Variants in ARHGAP23 observed in about 807,000 individuals in gnomAD.
ARHGAP23 encodes Rho GTPase activating protein 23, also known as rho GTPase-activating protein 23.
ARHGAP23 carries 34 observed loss-of-function variants against 136.3 expected under a neutral mutation model. That is an observed-to-expected ratio of 0.25 (90% CI 0.19 to 0.33). The LOEUF is 0.33. Ranked by LOEUF, ARHGAP23 falls within the 10% of genes least tolerant of loss-of-function variation. The probability of loss-of-function intolerance (pLI) is 1.00; values close to 1 mark genes in which losing one functional copy is unlikely to be tolerated. For synonymous variants in ARHGAP23, 832 were observed against 920.5 expected (o/e 0.90, Z 1.74); for missense variants, 1,808 against 2,139.0 (o/e 0.85, Z 3.05).
rs978266493 is a variant in ARHGAP23 at position 38,512,357 on chromosome 17, A to G, written c.*1385A>G. 3.3e-5 allele frequency: 5 copies of G among 152,268 alleles called. No homozygotes were observed. Among genetic ancestry groups the G allele is most frequent in the Admixed American group, 3.3e-4 (5 of 15,284 alleles). The allele number at this position is 152,268 out of a possible 1,614,324, so 9.4% of individuals were successfully genotyped here. On this transcript the variant is annotated 3_prime_UTR_variant, in exon 24 of 24. Transcript: ENST00000622683. ...AAGTCCTGTCTTAAAAGTACAGTCT[A>G]TATCTTGGAAATAAATAGCTTTCCT...
At chr17:38,425,083 G>T (rs948836473), upstream of ARHGAP23, among the ~76,000 whole-genome samples, 1 of 152,124 alleles carries the variant, frequency 6.6e-6, no homozygotes, top group Non-Finnish European at 1.5e-5. Context: ...CCCGTTATGT[G>T]CCACGGTGGC....
At chr17:38,429,580 C>T (rs947785862) in intron 1 of ARHGAP23, among the ~76,000 whole-genome samples, 2 of 152,230 alleles carry the variant, frequency 1.3e-5, no homozygotes, top group Non-Finnish European at 2.9e-5. Context: ...GTGCTTGCAA[C>T]TCTTTTGGAG....
rs552284141 is a variant in ARHGAP23, at chr17:38,457,950, G to T, written c.64-152G>T. 1.3e-5 allele frequency: 11 copies of T among 818,102 alleles called. No homozygotes were observed. In the African/African-American group the frequency reaches 1.6e-4, roughly 12 times the overall value. 50.7% of individuals were successfully genotyped at this position (818,102 alleles called of 1,614,324 possible). On this transcript the variant is annotated intron_variant, in intron 1 of 23. Transcript: ENST00000622683. ...GGTGGGAGAGTAAGGAAGGGGTGAG[G>T]AGGAGGTCATGGGCAGGGAGGATGC...
Position 38,510,169 on chromosome 17 carries a change from GC to G in ARHGAP23, c.3678del (p.Gly1227AspfsTer56), listed in dbSNP as rs1231488717. ...GPLPGAVAPE[A>X]PGRLSPPAAP... ...GCTGCCTGGCGCCGTCGCCCCCGAGGCCCCCGGACGCCTCAGTCCCCCGGCG... is the reference window on the plus strand; with the variant it reads ...GCTGCCTGGCGCCGTCGCCCCCGAGGCCCCGGACGCCTCAGTCCCCCGGCG... On this transcript the variant is annotated frameshift_variant, in exon 24 of 24. Coordinates refer to ENST00000622683, the MANE Select transcript of ARHGAP23 (RefSeq NM_001199417.2). LOFTEE classifies it high-confidence loss of function. The surrounding 1 kb of genome is among the most constrained non-coding windows in gnomAD (Gnocchi z 4.6). 6.2e-6 allele frequency: 8 copies of G among 1,298,616 alleles called. No homozygotes were observed. Among genetic ancestry groups the G allele is most frequent in the South Asian group, 2.7e-5 (1 of 37,572 alleles). The allele number at this position is 1,298,616 out of a possible 1,614,324, so 80.4% of individuals were successfully genotyped here. A position where few individuals can be genotyped will look rare whatever the true frequency, so the allele number is the denominator to read the frequency against.
At chr17:38,503,919 C>T (rs2040574012) in intron 23 of ARHGAP23, among the ~76,000 whole-genome samples, 1 of 152,224 alleles carries the variant, frequency 6.6e-6, no homozygotes, top group Admixed American at 6.5e-5. Context: ...CTACTAGGTG[C>T]CAGCCAGTAT....
chr17:38,467,690 T>C (rs2039646356), intron 7 of ARHGAP23, among the ~76,000 whole-genome samples: 1 of 152,044 alleles, frequency 6.6e-6, no homozygotes, highest in African/African-American at 2.4e-5. Flanking sequence ...TTCCATCCAT[T>C]CATCCATCTA....
chr17:38,470,767 C>T (rs770452480), intron 10 of ARHGAP23, among the ~76,000 whole-genome samples: 3 of 151,924 alleles, frequency 2.0e-5, no homozygotes, highest in Non-Finnish European at 2.9e-5. Context: ...GAACTCCTGA[C>T]GTCAGGTGAT....
At chr17:38,501,679 T>C (rs1186289795) in intron 23 of ARHGAP23, among the ~76,000 whole-genome samples, 1 of 152,004 alleles carries the variant, frequency 6.6e-6, no homozygotes, top group Non-Finnish European at 1.5e-5. Flanking sequence ...GACCAATTCT[T>C]TGAAAGATTC....
At chr17:38,422,233 G>A (rs1272556912) in intron 1 of ARHGAP23, among the ~76,000 whole-genome samples, 4 of 152,136 alleles carry the variant, frequency 2.6e-5, no homozygotes, top group African/African-American at 7.2e-5. Context: ...TTTACATAGC[G>A]GGGCTAATAA....
chr17:38,468,147 A>T (rs2039657584), intron 7 of ARHGAP23, among the ~76,000 whole-genome samples: 1 of 152,226 alleles, frequency 6.6e-6, no homozygotes, highest in South Asian at 2.1e-4. Context: ...GGAATAGAAT[A>T]TGCAAAGACC....
At chr17:38,485,329 TC>T (rs2040136625) in intron 16 of ARHGAP23, among the ~76,000 whole-genome samples, 1 of 152,142 alleles carries the variant, frequency 6.6e-6, no homozygotes. Context: ...CAAAATTGCC[TC>T]CTTCTGTTAG....
rs973672021 is a variant in ARHGAP23 at position 38,477,193 on chromosome 17, G to A, written c.2119-386G>A. ...AAGAGTGCGGACGGCTTCTGAGCAG[G>A]TTTGCTGGGATGAGGGGCAGCCTGG... is the stretch of plus-strand genomic sequence containing the variant. On this transcript the variant is annotated intron_variant, in intron 11 of 23. Coordinates refer to ENST00000622683, the MANE Select transcript of ARHGAP23 (RefSeq NM_001199417.2). This position sits in a 1 kb window ranked among gnomAD's most constrained non-coding sequence, Gnocchi z 6.6. 6.6e-6 allele frequency among the ~76,000 whole-genome samples: 1 copy of A among 152,108 alleles called. No homozygotes were observed. Among genetic ancestry groups the A allele is most frequent in the African/African-American group, 2.4e-5 (1 of 41,422 alleles).
chr17:38,503,799 A>G (rs1421345294), intron 23 of ARHGAP23, among the ~76,000 whole-genome samples: 1 of 152,202 alleles, frequency 6.6e-6, no homozygotes, highest in Non-Finnish European at 1.5e-5. Context: ...TGCTTTTCAG[A>G]GAGTACGTCT....
intron 1 of ARHGAP23, among the ~76,000 whole-genome samples, chr17:38,444,352 T>C (rs552739170): frequency 6.6e-6 from 1 of 152,120 alleles, no homozygotes; most frequent in South Asian, 2.1e-4. Context: ...TGCGGGCTCA[T>C]TTCCAGGAGT....
intron 9 of ARHGAP23, 44 bp downstream of exon 9, chr17:38,469,679 G>A (rs1161201981): frequency 1.1e-5 from 17 of 1,534,932 alleles, no homozygotes; most frequent in South Asian, 2.4e-5. Context: ...CACAGCCACC[G>A]TGGCCAGCTG....
Position 38,462,775 on chromosome 17 carries a change from C to T in ARHGAP23, c.254-71C>T. 2.8e-6 allele frequency: 3 copies of T among 1,075,952 alleles called. No homozygotes were observed. In the African/African-American group the frequency reaches 4.8e-5, roughly 17 times the overall value. The allele number at this position is 1,075,952 out of a possible 1,614,324, so 66.7% of individuals were successfully genotyped here. A position where few individuals can be genotyped will look rare whatever the true frequency, so the allele number is the denominator to read the frequency against. On this transcript the variant is annotated intron_variant, in intron 3 of 23. Transcript: ENST00000622683. ...CAATCATTCTCTGAGTGTGTGTCCCCTGTGTGTGTAGCTGTGCATGGGTGT... is the reference window on the plus strand; with the variant it reads ...CAATCATTCTCTGAGTGTGTGTCCCTTGTGTGTGTAGCTGTGCATGGGTGT...
At chr17:38,454,846 C>T (rs918013063) in intron 1 of ARHGAP23, among the ~76,000 whole-genome samples, 4 of 152,374 alleles carry the variant, frequency 2.6e-5, no homozygotes, top group Middle Eastern at 3.4e-3. Context: ...ACGTGTCCAC[C>T]TCTGCCTAAT....
intron 1 of ARHGAP23, among the ~76,000 whole-genome samples, chr17:38,433,521 C>T (rs779308304): frequency 1.3e-5 from 2 of 152,136 alleles, no homozygotes; most frequent in Non-Finnish European, 2.9e-5. Flanking sequence ...GAGGTCTGGG[C>T]AAGCACAGGC....
At chr17:38,465,781 C>T (rs962348085) in intron 6 of ARHGAP23, among the ~76,000 whole-genome samples, 4 of 152,016 alleles carry the variant, frequency 2.6e-5, no homozygotes, top group African/African-American at 7.3e-5. Context: ...TGACTGGTCT[C>T]GGTGGGGTTT....
Sources: allele counts gnomAD v4.1 joint callset (sites outside exome capture counted in the v4.1 genomes callset), GRCh38; gene constraint gnomAD v4.1.1; non-coding constraint Gnocchi (gnomAD v3.1); transcripts MANE v1.5; gene names NCBI Gene and HGNC (gene_info 2026-07-23, HGNC 2026-07-21).